Variants in SNW1 observed in about 807,000 individuals in gnomAD.
SNW1 encodes SNW domain-containing protein 1.
In SNW1, 9 loss-of-function variants were observed where a neutral mutation model predicts 75.6. That is an observed-to-expected ratio of 0.12 (90% confidence interval 0.07 to 0.21). The LOEUF (loss-of-function observed/expected upper bound fraction) is 0.21, where lower values mean the gene tolerates loss of function less well. SNW1 is among the 10% of genes least tolerant of loss of function. The pLI is 1.00. For missense variants in SNW1, 409 were observed against 670.9 expected, an observed-to-expected ratio of 0.61 and a Z score of 4.31; for synonymous variants, 200 against 219.1, an observed-to-expected ratio of 0.91 and a Z score of 0.77.
chr14:77,759,265 G>GT (rs1204251722), intron 1 of SNW1, among the ~76,000 whole-genome samples: 1 of 152,196 alleles, frequency 6.6e-6, no homozygotes, highest in Admixed American at 6.5e-5. Flanking sequence ...TGCCAGCACT[G>GT]TGGGAGGCTG....
intron 10 of SNW1, 131 bp from the exon 11 acceptor site, chr14:77,723,408 A>G: frequency 3.0e-6 from 2 of 677,494 alleles, no homozygotes; most frequent in South Asian, 1.8e-5. Context: ...GGAGTGTAGT[A>G]GCATGAACAT....
chr14:77,720,374 A>T (rs1595072043), intron 12 of SNW1: 1 of 626,580 alleles, frequency 1.6e-6, no homozygotes, highest in Middle Eastern at 2.5e-4. Flanking sequence ...ACCTCAGGTG[A>T]TCTGCCCGCT....
Position 77,734,929 on chromosome 14 carries a change from A to T in SNW1, c.774+18T>A. 6.4e-7 allele frequency: 1 copy of T among 1,566,802 alleles called. No individual in the cohort carries two copies. Among genetic ancestry groups the T allele is most frequent in the South Asian group, 1.1e-5 (1 of 89,822 alleles). On this transcript the variant is annotated intron_variant, in intron 8 of 13. Transcript: ENST00000261531. Reference sequence around the variant, plus strand: ...CAGTAGGTTATACTAATAGAGACTGATTTGACAACTTAATTACCTTTGCAT... The same window carrying T: ...CAGTAGGTTATACTAATAGAGACTGTTTTGACAACTTAATTACCTTTGCAT...
intron 3 of SNW1, among the ~76,000 whole-genome samples, chr14:77,745,826 C>A (rs1398404403): frequency 6.6e-6 from 1 of 152,154 alleles, no homozygotes; most frequent in Non-Finnish European, 1.5e-5. Flanking sequence ...GAGTTTGAGA[C>A]CAGCCTGGGC....
chr14:77,723,133 C>T (rs1466450728), intron 11 of SNW1, 48 bp downstream of exon 11: 1 of 1,467,200 alleles, frequency 6.8e-7, no homozygotes, highest in Non-Finnish European at 9.5e-7. Flanking sequence ...AGGGGTGAAC[C>T]ACTGCGCCCG....
intron 2 of SNW1, among the ~76,000 whole-genome samples, chr14:77,751,805 G>GACAGAC (rs1455780781): frequency 7.2e-6 from 1 of 139,458 alleles, no homozygotes; most frequent in Non-Finnish European, 1.5e-5. Flanking sequence ...GTCATGGGAA[G>GACAGAC]ACACACACAC....
chr14:77,728,452 A>C (rs544275053), intron 10 of SNW1, among the ~76,000 whole-genome samples: 1 of 152,216 alleles, frequency 6.6e-6, no homozygotes, highest in Non-Finnish European at 1.5e-5. Flanking sequence ...ACTCCGTTTC[A>C]AAAAAACCAA....
At chr14:77,742,506 A>G (rs1323781297) in intron 3 of SNW1, among the ~76,000 whole-genome samples, 4 of 152,204 alleles carry the variant, frequency 2.6e-5, no homozygotes, top group Non-Finnish European at 4.4e-5. Context: ...TGTGAAACAG[A>G]TATTTTATTA....
At chr14:77,728,531 T>G (rs975849576) in intron 10 of SNW1, among the ~76,000 whole-genome samples, 3 of 152,178 alleles carry the variant, frequency 2.0e-5, no homozygotes, top group African/African-American at 7.2e-5. Context: ...TTTTCAAAGA[T>G]TCTATTGAAT....
chr14:77,743,628 C>T (rs2080736144), intron 3 of SNW1, among the ~76,000 whole-genome samples: 1 of 152,118 alleles, frequency 6.6e-6, no homozygotes, highest in African/African-American at 2.4e-5. Flanking sequence ...TTATGCAGTC[C>T]ATTTCTATTT....
chr14:77,760,627 G>A (rs1566839414), intron 1 of SNW1: 1 of 702,324 alleles, frequency 1.4e-6, no homozygotes, highest in Non-Finnish European at 2.6e-6. Context: ...TTAAATCTGT[G>A]TTCAGCTCCG....
intron 2 of SNW1, among the ~76,000 whole-genome samples, chr14:77,751,838 ACACACAC>A (rs1555388672): frequency 7.3e-4 from 91 of 124,784 alleles, no homozygotes; most frequent in African/African-American, 2.2e-3. Flanking sequence ...ACACACACAC[ACACACAC>A]CACACACACA....
intron 10 of SNW1, among the ~76,000 whole-genome samples, chr14:77,723,967 G>A (rs569640023): frequency 6.6e-6 from 1 of 152,274 alleles, no homozygotes; most frequent in African/African-American, 2.4e-5. Context: ...GTCACACTCA[G>A]CCTTTTAAAC....
In SNW1 at chr14:77,720,701, A is replaced by T. The variant is rs200101346; in HGVS notation, c.1248+10T>A. The T allele has an allele frequency of 4.5e-6, 7 of 1,559,686 alleles. No individual in the cohort carries two copies. Among genetic ancestry groups the T allele is most frequent in the Non-Finnish European group, 6.2e-6 (7 of 1,130,710 alleles). ...TCAACACACACAATATGCTGTTCCT[A>T]AACTTGTACCTTGGATTGGTTGAAG... is the stretch of plus-strand genomic sequence containing the variant. On this transcript the variant is annotated intron_variant, in intron 12 of 13. Coordinates refer to ENST00000261531, the MANE Select transcript of SNW1 (RefSeq NM_012245.3).
At position 77,718,263 on chromosome 14, in the gene SNW1, G is replaced by C. The variant is rs764411891; in HGVS notation, c.1436C>G (p.Ser479Cys). Residue 479 changes from serine to cysteine, a missense_variant, in exon 14 of 14, where the codon TCT (serine) becomes TGT (cysteine). Around this residue, in one of 9 missense-constraint regions of SNW1, gnomAD observed 126 missense variants for 167.6 expected, o/e 0.75. Transcript: ENST00000261531. ...TNRFVPDKEFSGSDRRQRGRE... is the reference protein window; with the variant it reads ...TNRFVPDKEFCGSDRRQRGRE... ...GCCTCTCTGTCTACGGTCTGAACCAGAAAACTCCTTGTCGGGAACAAATCT... is the reference window on the plus strand; with the variant it reads ...GCCTCTCTGTCTACGGTCTGAACCACAAAACTCCTTGTCGGGAACAAATCT... 32 of 1,613,488 alleles carry C rather than the reference G, an allele frequency of 2.0e-5. No individual in the cohort carries two copies. In the East Asian group the frequency reaches 6.5e-4, roughly 33 times the overall value.
chr14:77,759,792 G>A (rs953762025), intron 1 of SNW1, among the ~76,000 whole-genome samples: 1 of 151,706 alleles, frequency 6.6e-6, no homozygotes, highest in African/African-American at 2.4e-5. Context: ...TCTGGCCAAC[G>A]CAGTAACACC....
intron 9 of SNW1, among the ~76,000 whole-genome samples, chr14:77,732,202 T>C (rs1389959120): frequency 6.6e-6 from 1 of 152,180 alleles, no homozygotes; most frequent in Non-Finnish European, 1.5e-5. Flanking sequence ...AAATCAAAAA[T>C]TATGAAACCT....
intron 3 of SNW1, 25 bp from the exon 4 acceptor site, chr14:77,739,086 C>T: frequency 6.4e-7 from 1 of 1,566,894 alleles, no homozygotes; most frequent in Non-Finnish European, 8.8e-7. Flanking sequence ...CACAAGCAGG[C>T]TTAAGAAAAG....
chr14:77,718,331 G>A (rs776275212), intron 13 of SNW1, 36 bp downstream of exon 13: 1 of 1,614,200 alleles, frequency 6.2e-7, no homozygotes. Context: ...GCTTTCACCA[G>A]TGTAAACACT....
Sources: gnomAD v4.1 joint callset for allele counts (sites outside exome capture counted in the v4.1 genomes callset) on GRCh38, gnomAD v4.1.1 for gene constraint, gnomAD v4.1.1 regional missense constraint, MANE v1.5 for transcripts, NCBI Gene and HGNC (gene_info 2026-07-23, HGNC 2026-07-21) for gene names.